FCSK: variants seen among roughly 807,000 people sequenced by gnomAD.
FCSK encodes the protein fucose kinase, also known as L-fucose kinase.
FCSK carries 123 observed loss-of-function variants against 122.5 expected under a neutral mutation model. The ratio of observed to expected loss-of-function variants is 1.00; its 90% CI spans 0.87 to 1.17. The LOEUF (loss-of-function observed/expected upper bound fraction) is 1.17. FCSK is among the 50% of genes most tolerant of loss of function. FCSK has a pLI of 0.00. For synonymous variants in FCSK, 620 were observed against 625.5 expected (o/e 0.99, Z 0.13); for missense variants, 1,366 against 1,450.4 (o/e 0.94, Z 0.95).
rs201801842 is a variant in FCSK at position 70,473,311 on chromosome 16, C to G, written c.1735C>G (p.Arg579Gly). The G allele has an allele frequency of 6.6e-7, 1 of 1,519,740 alleles. No individual in the cohort carries two copies. The highest frequency in any genetic ancestry group is 8.8e-7 in the Non-Finnish European group (1 of 1,132,066). The allele number at this position is 1,519,740 out of a possible 1,614,324, so 94.1% of individuals were successfully genotyped here. Reference sequence around the variant, plus strand: ...GCGCCCGCTGATCTGGGCTGCTGTCCGCGAGGGCTGCCCCGGGCCCCTGCT... The same window carrying G: ...GCGCCCGCTGATCTGGGCTGCTGTCGGCGAGGGCTGCCCCGGGCCCCTGCT... The part of the protein sequence containing the change: ...SLRPLIWAAV[R>G]EGCPGPLLAT... Residue 579 changes from arginine to glycine, a missense_variant, in exon 15 of 24, where the codon CGC becomes GGC. Coordinates refer to ENST00000288078, the MANE Select transcript of FCSK (RefSeq NM_145059.3). This position sits in a 1 kb window ranked among gnomAD's most constrained non-coding sequence, Gnocchi z 4.9.
At position 70,475,736 on chromosome 16, in the gene FCSK, A is replaced by G. The variant is rs759352043; in HGVS notation, c.2610A>G (p.Ala870=). The change falls in exon 20 of 24, where the codon GCA becomes GCG. Residue 870 remains alanine, a synonymous_variant. Transcript: ENST00000288078. ...RVVGTEALIH[A]VLHLEQVLTT... is the part of the protein sequence containing the mutation. ...TGGGCACGGAAGCCCTGATCCACGC[A>G]GTGCTGCACCTGGAGCAGGTGCTCA... The G allele has an allele frequency of 1.3e-6, 2 of 1,597,074 alleles. No individual in the cohort carries two copies. The highest frequency in any genetic ancestry group is 3.4e-5 in the Admixed American group (2 of 58,942).
intron 1 of FCSK, among the ~76,000 whole-genome samples, chr16:70,458,164 T>C (rs1337115091): frequency 7.1e-6 from 1 of 141,218 alleles, no homozygotes; most frequent in Non-Finnish European, 1.5e-5. Context: ...TCTTTCTTTC[T>C]TTTTTTTTTT....
In FCSK at chr16:70,479,163, C is replaced by T. The variant is rs1567715920; in HGVS notation, c.2930-17C>T. On this transcript the variant is annotated splice_polypyrimidine_tract_variant and intron_variant, in intron 22 of 23. Transcript: ENST00000288078. ...TATCTTGGCCCAGGCACGTCACTCC[C>T]CTCTGCCCCACCTCAGGAAGCCTGC... The T allele has an allele frequency of 1.2e-6, 2 of 1,601,802 alleles. No homozygotes were observed. Among genetic ancestry groups the T allele is most frequent in the African/African-American group, 1.3e-5 (1 of 74,810 alleles).
chr16:70,461,638 C>T (rs944699797), intron 1 of FCSK, among the ~76,000 whole-genome samples: 4 of 152,134 alleles, frequency 2.6e-5, no homozygotes, highest in Non-Finnish European at 4.4e-5. Context: ...ATATGCGCTC[C>T]CCACAGCTGC....
In FCSK at chr16:70,473,173, C is replaced by G; in HGVS notation, c.1597C>G (p.Leu533Val). 6.5e-7 allele frequency: 1 copy of G among 1,542,678 alleles called. No individual in the cohort carries two copies. The highest frequency in any genetic ancestry group is 8.7e-7 in the Non-Finnish European group (1 of 1,147,350). Residue 533 changes from leucine (L) to valine (V), a missense_variant, in exon 15 of 24, where the codon CTG becomes GTG. Transcript: ENST00000288078. This position sits in a 1 kb window ranked among gnomAD's most constrained non-coding sequence, Gnocchi z 4.9. ...CTCCTGGCGCCTGTCCTGGGAGCAGCTGCAGCCGTGCCTGGATCGGGCTGC... is the reference window on the plus strand; with the variant it reads ...CTCCTGGCGCCTGTCCTGGGAGCAGGTGCAGCCGTGCCTGGATCGGGCTGC... ...RASWRLSWEQLQPCLDRAATL... is the reference protein window; with the variant it reads ...RASWRLSWEQVQPCLDRAATL...
In FCSK at chr16:70,468,840, C is replaced by T. The variant is rs1211281228; in HGVS notation, c.664-9C>T. Reference sequence around the variant, plus strand: ...CCTCCATCTCTGATCCTTTTGGGGTCCCTTCCAGGTCTCTGGGGTTGTCTT... The same window carrying T: ...CCTCCATCTCTGATCCTTTTGGGGTTCCTTCCAGGTCTCTGGGGTTGTCTT... On this transcript the variant is annotated splice_polypyrimidine_tract_variant and intron_variant, in intron 8 of 23. Transcript: ENST00000288078. 6.2e-7 allele frequency: 1 copy of T among 1,613,810 alleles called. No homozygotes were observed. Among genetic ancestry groups the T allele is most frequent in the South Asian group, 1.1e-5 (1 of 91,080 alleles).
chr16:70,455,595 T>TA (rs1387849487), intron 1 of FCSK, among the ~76,000 whole-genome samples: 6,315 of 136,954 alleles, frequency 0.046, 461 homozygotes, highest in African/African-American at 0.15. Context: ...AACTATTAAT[T>TA]AAAAAAAAAA....
rs1336394107 is a variant in FCSK at position 70,470,386 on chromosome 16, C to T, written c.1028C>T (p.Pro343Leu). The change falls in exon 11 of 24, where the codon CCC becomes CTC. Residue 343 changes from proline to leucine, a missense_variant. By Grantham distance (98) the Pro-to-Leu change is moderately conservative. Transcript: ENST00000288078. ...ASEFLLSLTL[P>L]GAPGAQIVHS... ...GAGTTCCTGCTCAGCCTCACACTCC[C>T]CGGGGCTCCTGGGGCCCAGATTGTG... The T allele has an allele frequency of 1.2e-6, 2 of 1,613,748 alleles. No homozygotes were observed. The highest frequency in any genetic ancestry group is 2.2e-5 in the East Asian group (1 of 44,890).
intron 5 of FCSK, chr16:70,466,459 A>G: frequency 6.6e-6 from 4 of 605,400 alleles, no homozygotes; most frequent in Non-Finnish European, 1.1e-5. Context: ...TTGAGAAGCC[A>G]AAGTGGGAGG....
chr16:70,463,493 A>C (rs771553911), intron 2 of FCSK, 130 bp from the exon 3 acceptor site: 2 of 1,222,880 alleles, frequency 1.6e-6, no homozygotes, highest in Non-Finnish European at 2.3e-6. Context: ...TTGGGTGAAG[A>C]TCTAGTGGCC....
rs928270173 is a variant in FCSK, at chr16:70,480,171, G to A, written c.*491G>A. 1 of 153,956 alleles carries A rather than the reference G, an allele frequency of 6.5e-6. No individual in the cohort carries two copies. The highest frequency in any genetic ancestry group is 1.5e-5 in the Non-Finnish European group (1 of 68,962). 9.5% of individuals were successfully genotyped at this position (153,956 alleles called of 1,614,324 possible). ...GACCCAGTGATTCACTGCCATCCCA[G>A]GCCTTAACTAGCAAAACTACGGAGC... On this transcript the variant is annotated 3_prime_UTR_variant, in exon 24 of 24. Transcript: ENST00000288078.
chr16:70,465,269 TG>T, intron 4 of FCSK, 93 bp downstream of exon 4: 1 of 1,225,430 alleles, frequency 8.2e-7, no homozygotes, highest in Non-Finnish European at 1.1e-6. Context: ...CCACTGTGTG[TG>T]TGCAAGATGA....
At chr16:70,479,078 C>T in intron 22 of FCSK, 102 bp from the exon 23 acceptor site, 1 of 918,008 alleles carries the variant, frequency 1.1e-6, no homozygotes, top group Admixed American at 2.2e-5. Flanking sequence ...GCTTCTTTAC[C>T]ATGACACTGG....
rs77271318 is a variant in FCSK at position 70,476,534 on chromosome 16, C to G, written c.2641+767C>G. ...ATGATCTAATGAATGTCACCAGCGC[C>G]AGGCTTCTCACTCCTCCTGGCCACC... On this transcript the variant is annotated intron_variant, in intron 20 of 23. Transcript: ENST00000288078. Among the ~76,000 whole-genome samples the G allele has an allele frequency of 3.3e-3, 507 of 152,122 alleles. 2 individuals carry two copies. Among genetic ancestry groups the G allele is most frequent in the African/African-American group, 0.011 (454 of 41,482 alleles).
At chr16:70,474,107 C>T (rs1231014032) in intron 15 of FCSK, 22 bp from the exon 16 acceptor site, 4 of 1,547,030 alleles carry the variant, frequency 2.6e-6, no homozygotes, top group African/African-American at 1.4e-5. Flanking sequence ...TCCCCTGCCA[C>T]CCCCAACTCC....
Position 70,478,252 on chromosome 16 carries a change from G to A in FCSK, c.2642-20G>A. On this transcript the variant is annotated intron_variant, in intron 20 of 23. Coordinates refer to ENST00000288078, the MANE Select transcript of FCSK (RefSeq NM_145059.3). ...GCTGGGCCAGATAGACTCCAACAGTGACAGTCCCTGGGCTCACAGGAGGTG... is the reference window on the plus strand; with the variant it reads ...GCTGGGCCAGATAGACTCCAACAGTAACAGTCCCTGGGCTCACAGGAGGTG... The A allele has an allele frequency of 6.2e-7, 1 of 1,612,378 alleles. No individual in the cohort carries two copies. Among genetic ancestry groups the A allele is most frequent in the Non-Finnish European group, 8.5e-7 (1 of 1,179,248 alleles).
Position 70,478,526 on chromosome 16 carries a change from A to G in FCSK, c.2830-25A>G, listed in dbSNP as rs17878851. 57 of 1,613,184 alleles carry G rather than the reference A, an allele frequency of 3.5e-5. No individual in the cohort carries two copies. The African/African-American group carries it at 7.1e-4, about 20-fold the overall frequency. On this transcript the variant is annotated intron_variant, in intron 21 of 23. Transcript: ENST00000288078. ...TGCCAGCTGGGCCTGGGTCCTCACC[A>G]CCCCTTCTCCTGCCCCGTCCGCAGG... is the stretch of plus-strand genomic sequence containing the variant.
chr16:70,463,598 G>T, intron 2 of FCSK, 25 bp from the exon 3 acceptor site: 1 of 1,611,858 alleles, frequency 6.2e-7, no homozygotes, highest in South Asian at 1.1e-5. Context: ...TGGGGGGCAG[G>T]TCCCAGTGTC....
In FCSK at chr16:70,466,237, C is replaced by A. The variant is rs1414170836; in HGVS notation, c.391C>A (p.Leu131Met). Residue 131 changes from leucine (L) to methionine (M), a missense_variant, in exon 5 of 24, where the codon CTG (leucine) becomes ATG (methionine). Transcript: ENST00000288078. The part of the protein sequence containing the change: ...EALVCNLDCL[L>M]DIMTYRLGPG... ...CTTGGTCTGCAACCTGGACTGCCTG[C>A]TGGACATCATGACCTATCGGGTGAG... 1.4e-5 allele frequency: 22 copies of A among 1,614,004 alleles called. No individual in the cohort carries two copies. Among genetic ancestry groups the A allele is most frequent in the Non-Finnish European group, 1.8e-5 (21 of 1,179,920 alleles).
Sources: gnomAD v4.1 joint callset for allele counts (sites outside exome capture counted in the v4.1 genomes callset) on GRCh38, gnomAD v4.1.1 for gene constraint, Gnocchi (gnomAD v3.1) non-coding constraint, MANE v1.5 for transcripts, NCBI Gene and HGNC (gene_info 2026-07-23, HGNC 2026-07-21) for gene names.